Variants in SGCZ observed in about 807,000 individuals in gnomAD.
The protein encoded by SGCZ is zeta-sarcoglycan.
Under a neutral mutation model 41.3 loss-of-function variants are expected in SGCZ, and 40 were observed. That is an observed-to-expected ratio of 0.97 (90% CI 0.75 to 1.26). The LOEUF (loss-of-function observed/expected upper bound fraction) is 1.26. Among genes scored for constraint, SGCZ ranks in the 50% most tolerant of loss-of-function variants. The pLI is 0.00. For missense variants in SGCZ, 552 were observed against 369.8 expected (o/e 1.49, Z -4.04); for synonymous variants, 206 against 137.5 (o/e 1.50, Z -3.49).
intron 3 of SGCZ, among the ~76,000 whole-genome samples, chr8:14,304,618 T>C (rs779564992): frequency 1.3e-5 from 2 of 152,158 alleles, no homozygotes; most frequent in Non-Finnish European, 2.9e-5. Flanking sequence ...AGTATTTTTA[T>C]AACAGAAAAG....
At chr8:14,460,219 TGAG>T (rs1273046068) in intron 2 of SGCZ, among the ~76,000 whole-genome samples, 8 of 152,232 alleles carry the variant, frequency 5.3e-5, no homozygotes, top group African/African-American at 1.9e-4. Context: ...AACAAAAATA[TGAG>T]GTACTTTTTA....
chr8:14,895,762 T>C (rs563056228), intron 1 of SGCZ, among the ~76,000 whole-genome samples: 25 of 152,234 alleles, frequency 1.6e-4, no homozygotes, highest in Non-Finnish European at 3.4e-4. Context: ...CAAATGTAGA[T>C]GCAGTGGTTC....
At chr8:14,127,971 A>G (rs937296189) in intron 5 of SGCZ, among the ~76,000 whole-genome samples, 4 of 152,102 alleles carry the variant, frequency 2.6e-5, no homozygotes, top group Admixed American at 2.0e-4. Flanking sequence ...CCTTCTTTGT[A>G]TACATAAGTT....
At chr8:14,864,218 G>A (rs573918475) in intron 1 of SGCZ, among the ~76,000 whole-genome samples, 1 of 152,010 alleles carries the variant, frequency 6.6e-6, no homozygotes, top group Non-Finnish European at 1.5e-5. Context: ...CCACTTTCAT[G>A]ACACTTCCCA....
intron 2 of SGCZ, among the ~76,000 whole-genome samples, chr8:14,477,937 A>T (rs111561325): frequency 1.3e-5 from 2 of 152,188 alleles, no homozygotes; most frequent in African/African-American, 4.8e-5. Flanking sequence ...GGAACTCACT[A>T]AAGATTGTTT....
chr8:14,337,502 C>A (rs143061283), intron 2 of SGCZ, among the ~76,000 whole-genome samples: 10 of 152,138 alleles, frequency 6.6e-5, no homozygotes, highest in Non-Finnish European at 1.0e-4. Flanking sequence ...CTACAGGAGA[C>A]GATTCTAACT....
chr8:14,141,636 G>C (rs575981817), intron 5 of SGCZ, among the ~76,000 whole-genome samples: 2 of 152,310 alleles, frequency 1.3e-5, no homozygotes, highest in East Asian at 3.9e-4. Flanking sequence ...ACACCAGTTA[G>C]AATGGCGATC....
At chr8:15,098,194 G>T (rs914043888) in intron 1 of SGCZ, among the ~76,000 whole-genome samples, 1 of 150,788 alleles carries the variant, frequency 6.6e-6, no homozygotes, top group African/African-American at 2.4e-5. Flanking sequence ...GGAAAAAGGA[G>T]GAAGAAAAGA....
chr8:15,011,807 G>A (rs1244288701), intron 1 of SGCZ, among the ~76,000 whole-genome samples: 1 of 152,124 alleles, frequency 6.6e-6, no homozygotes. Flanking sequence ...AATATCCATT[G>A]TACATAAAAT....
intron 5 of SGCZ, chr8:14,162,672 G>A (rs1025927994): frequency 3.3e-5 from 5 of 152,032 alleles, no homozygotes; most frequent in African/African-American, 4.8e-5. Context: ...TCAACCAGGT[G>A]AGTATTCATG....
chr8:14,564,708 T>C (rs1237441754), intron 1 of SGCZ, among the ~76,000 whole-genome samples: 2 of 152,202 alleles, frequency 1.3e-5, no homozygotes, highest in Non-Finnish European at 2.9e-5. Flanking sequence ...TTTTAAAACA[T>C]AATGCTTGAA....
chr8:14,319,052 T>C (rs906963053), intron 3 of SGCZ, among the ~76,000 whole-genome samples: 5 of 151,852 alleles, frequency 3.3e-5, no homozygotes, highest in African/African-American at 1.2e-4. Context: ...AGAGGAATCA[T>C]ATAAAGAGTT....
intron 1 of SGCZ, among the ~76,000 whole-genome samples, chr8:14,728,156 T>A (rs186486391): frequency 6.6e-6 from 1 of 152,248 alleles, no homozygotes; most frequent in East Asian, 1.9e-4. Flanking sequence ...ACTTTGTATG[T>A]GTAGGTATGT....
chr8:14,806,653 C>T (rs1038470613), intron 1 of SGCZ, among the ~76,000 whole-genome samples: 21 of 151,944 alleles, frequency 1.4e-4, no homozygotes, highest in African/African-American at 4.8e-4. Flanking sequence ...ACCAGAGGTA[C>T]AAGGAGGAAC....
chr8:14,235,749 A>T (rs762671588), intron 4 of SGCZ, among the ~76,000 whole-genome samples: 2 of 152,106 alleles, frequency 1.3e-5, no homozygotes, highest in African/African-American at 4.8e-5. Flanking sequence ...CAGTGGCCCA[A>T]TCTCGGCTCA....
chr8:15,156,050 TCC>T, intron 1 of SGCZ, among the ~76,000 whole-genome samples: 1 of 74,380 alleles, frequency 1.3e-5, no homozygotes, highest in Non-Finnish European at 2.6e-5. Flanking sequence ...AGAGTGAGAT[TCC>T]CTCTCAAAAA....
chr8:14,138,530 G>A (rs1326748691), intron 5 of SGCZ, among the ~76,000 whole-genome samples: 2 of 151,686 alleles, frequency 1.3e-5, no homozygotes, highest in Middle Eastern at 3.4e-3. Flanking sequence ...AAAAAAGGGG[G>A]GGTTGCATTT....
At chr8:14,982,592 C>A (rs1309223280) in intron 1 of SGCZ, among the ~76,000 whole-genome samples, 1 of 152,164 alleles carries the variant, frequency 6.6e-6, no homozygotes, top group African/African-American at 2.4e-5. Context: ...AAACAAGAGG[C>A]ACAGTACTTC....
chr8:14,309,323 T>A, intron 3 of SGCZ: 1 of 1,597,978 alleles, frequency 6.3e-7, no homozygotes, highest in East Asian at 2.2e-5. Context: ...TGAGACTATG[T>A]GGGAAGATGA....
Sources: gnomAD v4.1 joint callset for allele counts (sites outside exome capture counted in the v4.1 genomes callset) on GRCh38, gnomAD v4.1.1 for gene constraint, MANE v1.5 for transcripts, NCBI Gene and HGNC (gene_info 2026-07-23, HGNC 2026-07-21) for gene names.